The following PRKCA variants were observed in gnomAD, a reference collection of about 807,000 sequenced individuals.
PRKCA encodes the protein protein kinase C alpha, also known as protein kinase C alpha type.
In PRKCA, 27 loss-of-function variants were observed where a neutral mutation model predicts 87.0. That is an observed-to-expected ratio of 0.31 (90% confidence interval 0.23 to 0.43). The LOEUF (loss-of-function observed/expected upper bound fraction) is 0.43. Among genes scored for constraint, PRKCA ranks in the 20% least tolerant of loss-of-function variants. PRKCA has a pLI of 1.00. For missense variants in PRKCA, 518 were observed against 852.3 expected (o/e 0.61, Z 4.88); for synonymous variants, 329 against 311.1 (o/e 1.06, Z -0.61).
chr17:66,765,040 A>C (rs905627788), intron 13 of PRKCA, among the ~76,000 whole-genome samples: 7 of 152,218 alleles, frequency 4.6e-5, no homozygotes, highest in African/African-American at 1.4e-4. Flanking sequence ...CAAAAGTAAA[A>C]TACAAGCCGA....
intron 3 of PRKCA, among the ~76,000 whole-genome samples, chr17:66,585,664 A>G (rs1031726853): frequency 4.6e-5 from 7 of 152,184 alleles, no homozygotes; most frequent in Non-Finnish European, 8.8e-5. Flanking sequence ...TGGCACCAGC[A>G]ATGTGGAGTG....
chr17:66,327,544 T>C (rs1053005445), intron 2 of PRKCA, among the ~76,000 whole-genome samples: 3 of 151,900 alleles, frequency 2.0e-5, no homozygotes, highest in African/African-American at 7.3e-5. Flanking sequence ...AAAAATAAAA[T>C]AAAATTTCTG....
At chr17:66,648,654 A>G (rs1346650455) in intron 5 of PRKCA, among the ~76,000 whole-genome samples, 1 of 152,262 alleles carries the variant, frequency 6.6e-6, no homozygotes, top group African/African-American at 2.4e-5. Flanking sequence ...ATTAGTAATT[A>G]CATCTTTAAC....
intron 2 of PRKCA, among the ~76,000 whole-genome samples, chr17:66,339,217 C>G (rs1906890978): frequency 6.6e-6 from 1 of 152,166 alleles, no homozygotes; most frequent in African/African-American, 2.4e-5. Context: ...TTATAACCTT[C>G]CAGAGTGTTA....
chr17:66,424,890 C>T (rs1467583158), intron 2 of PRKCA, among the ~76,000 whole-genome samples: 1 of 151,976 alleles, frequency 6.6e-6, no homozygotes, highest in Admixed American at 6.6e-5. Context: ...GCTGGGACTA[C>T]AGTCCTGCAC....
intron 4 of PRKCA, among the ~76,000 whole-genome samples, chr17:66,644,772 G>C (rs1335451253): frequency 6.6e-6 from 1 of 152,098 alleles, no homozygotes; most frequent in East Asian, 1.9e-4. Flanking sequence ...TCAATCCACA[G>C]ATTTTCACTC....
At chr17:66,526,214 A>G (rs148765293) in intron 3 of PRKCA, among the ~76,000 whole-genome samples, 1 of 152,228 alleles carries the variant, frequency 6.6e-6, no homozygotes. Flanking sequence ...TCCGAAAATT[A>G]TTATAGGAGA....
At chr17:66,586,348 A>G (rs956282826) in intron 3 of PRKCA, among the ~76,000 whole-genome samples, 3 of 144,234 alleles carry the variant, frequency 2.1e-5, no homozygotes, top group Admixed American at 6.9e-5. Flanking sequence ...AGGATTAACT[A>G]TTAACTGAAA....
intron 3 of PRKCA, among the ~76,000 whole-genome samples, chr17:66,528,181 G>A (rs913144385): frequency 7.2e-6 from 1 of 138,102 alleles, no homozygotes; most frequent in African/African-American, 2.8e-5. Flanking sequence ...TGGCACCACT[G>A]CACTCCAGCC....
chr17:66,431,310 G>A (rs1057246721), intron 2 of PRKCA, among the ~76,000 whole-genome samples: 2 of 152,128 alleles, frequency 1.3e-5, no homozygotes, highest in Non-Finnish European at 2.9e-5. Context: ...ATTTAATAGC[G>A]ATGCAAATGA....
chr17:66,576,873 CTTTTTTT>C lies in PRKCA; in HGVS notation c.289-64469_289-64463del, dbSNP rs66875614. 1.1e-3 allele frequency among the ~76,000 whole-genome samples: 149 copies of C among 138,270 alleles called. 1 individual carries two copies. The highest frequency in any genetic ancestry group is 1.1e-3 in the Non-Finnish European group (72 of 64,302). The allele number at this position is 138,270 out of a possible 152,430, so 90.7% of individuals were successfully genotyped here. A position where few individuals can be genotyped will look rare whatever the true frequency, so the allele number is the denominator to read the frequency against. On this transcript the variant is annotated intron_variant, in intron 3 of 16. Transcript: ENST00000413366. ...TTTCTCCGTGGAAAATGGTGATGTA[CTTTTTTT>C]TTTTTTTTTTTTGAGACAGGGTCTT...
chr17:66,444,399 G>A (rs1913926896), intron 2 of PRKCA, among the ~76,000 whole-genome samples: 1 of 152,182 alleles, frequency 6.6e-6, no homozygotes, highest in Admixed American at 6.5e-5. Context: ...AGTTTAATGG[G>A]CCGCCTTTTA....
intron 6 of PRKCA, among the ~76,000 whole-genome samples, 182 bp from the exon 7 acceptor site, chr17:66,688,120 T>C (rs1369276136): frequency 1.3e-5 from 2 of 152,204 alleles, no homozygotes; most frequent in Non-Finnish European, 2.9e-5. Context: ...ATTTGGCCCA[T>C]GGGTCATAGT....
At chr17:66,528,221 CA>C (rs60533049) in intron 3 of PRKCA, among the ~76,000 whole-genome samples, 3,051 of 85,908 alleles carry the variant, frequency 0.036, 44 homozygotes, top group African/African-American at 0.13. Context: ...AACTCTGTCT[CA>C]AAAAAAAAAA....
At chr17:66,754,217 C>CAT (rs1289521466) in intron 13 of PRKCA, among the ~76,000 whole-genome samples, 6 of 151,776 alleles carry the variant, frequency 4.0e-5, no homozygotes, top group Non-Finnish European at 5.9e-5. Flanking sequence ...TATATATGTT[C>CAT]ATATATATAT....
Position 66,421,417 on chromosome 17 carries a change from C to T in PRKCA, c.206-74784C>T, listed in dbSNP as rs1180258396. On this transcript the variant is annotated intron_variant, in intron 2 of 16. Transcript: ENST00000413366. ...TTTGTGTAATTATGTCAGAACTCAG[C>T]CACAGCCTCTGTTTTTTTTTTTTTT... Among the ~76,000 whole-genome samples the T allele has an allele frequency of 5.2e-5, 7 of 133,576 alleles. No homozygotes were observed. In the South Asian group the frequency reaches 1.0e-3, roughly 19 times the overall value. The allele number at this position is 133,576 out of a possible 152,430, so 87.6% of individuals were successfully genotyped here. A position where few individuals can be genotyped will look rare whatever the true frequency, so the allele number is the denominator to read the frequency against.
intron 2 of PRKCA, chr17:66,403,810 A>C (rs1273347783): frequency 4.6e-5 from 7 of 152,358 alleles, no homozygotes; most frequent in Non-Finnish European, 1.0e-4. Context: ...TCTTTTAAAA[A>C]ATCAGAGGTT....
intron 2 of PRKCA, among the ~76,000 whole-genome samples, chr17:66,406,663 TG>T (rs1480790834): frequency 6.7e-6 from 1 of 148,538 alleles, no homozygotes; most frequent in Non-Finnish European, 1.5e-5. Flanking sequence ...TGAAGTTGGA[TG>T]GCAGTTAGAA....
intron 3 of PRKCA, among the ~76,000 whole-genome samples, chr17:66,594,302 TGTTG>T (rs578175535): frequency 2.0e-5 from 3 of 152,320 alleles, no homozygotes; most frequent in South Asian, 4.1e-4. Context: ...TCCTGGCATA[TGTTG>T]GTTGGGTGGG....
Sources: gnomAD v4.1 joint callset for allele counts (sites outside exome capture counted in the v4.1 genomes callset) on GRCh38, gnomAD v4.1.1 for gene constraint, MANE v1.5 for transcripts, NCBI Gene and HGNC (gene_info 2026-07-23, HGNC 2026-07-21) for gene names.